Variants in CEP170 observed in about 807,000 individuals in gnomAD.
CEP170 encodes centrosomal protein of 170 kDa.
Under a neutral mutation model 151.9 loss-of-function variants are expected in CEP170, and 21 were observed. That is an observed-to-expected ratio of 0.14 (90% CI 0.10 to 0.20). The LOEUF is 0.20. CEP170 is among the 10% of genes least tolerant of loss of function. The pLI is 1.00. For missense variants in CEP170, 964 were observed against 1,892.9 expected (o/e 0.51, Z 9.11); for synonymous variants, 356 against 648.8 (o/e 0.55, Z 6.86).
intron 16 of CEP170, among the ~76,000 whole-genome samples, chr1:243,138,615 T>C (rs947790279): frequency 1.3e-5 from 2 of 151,170 alleles, no homozygotes; most frequent in South Asian, 2.1e-4. Context: ...CTTTCCACAG[T>C]AGTATTTGAA....
chr1:243,152,549 T>TTTTTTTG (rs2057203206), intron 14 of CEP170, among the ~76,000 whole-genome samples: 1 of 132,300 alleles, frequency 7.6e-6, no homozygotes, highest in Non-Finnish European at 1.6e-5. Flanking sequence ...TTTTTTTTTT[T>TTTTTTTG]GAGATAGAGT....
chr1:243,220,701 A>G (rs1361432358), intron 3 of CEP170, among the ~76,000 whole-genome samples: 1 of 152,248 alleles, frequency 6.6e-6, no homozygotes, highest in African/African-American at 2.4e-5. Context: ...CAGCACAGAT[A>G]GGAACAACAC....
At chr1:243,252,258 T>G (rs2066005214) in intron 1 of CEP170, among the ~76,000 whole-genome samples, 2 of 152,196 alleles carry the variant, frequency 1.3e-5, no homozygotes, top group South Asian at 4.1e-4. Flanking sequence ...AAATATCAGG[T>G]TGTCTGTCAG....
At chr1:243,252,399 T>G (rs942721508) in intron 1 of CEP170, among the ~76,000 whole-genome samples, 2 of 152,096 alleles carry the variant, frequency 1.3e-5, no homozygotes, top group Non-Finnish European at 2.9e-5. Context: ...AAAAAACATT[T>G]TGACAAAAAA....
intron 1 of CEP170, among the ~76,000 whole-genome samples, chr1:243,231,904 C>A (rs1489814338): frequency 6.6e-6 from 1 of 152,086 alleles, no homozygotes; most frequent in East Asian, 1.9e-4. Context: ...AAGCAAACCC[C>A]CAAATTCTTC....
intron 1 of CEP170, among the ~76,000 whole-genome samples, chr1:243,251,581 T>G (rs2065943430): frequency 1.3e-5 from 2 of 152,258 alleles, no homozygotes; most frequent in South Asian, 4.1e-4. Context: ...CTAGGAAATG[T>G]TCAAAATTTG....
intron 13 of CEP170, among the ~76,000 whole-genome samples, chr1:243,159,763 T>TTGTGTGTGTGTGGGTGTGTGTGTGTG (rs2057895967): frequency 7.9e-6 from 1 of 127,076 alleles, no homozygotes; most frequent in Admixed American, 7.7e-5. Context: ...GTTTCCGGTT[T>TTGTGTGTGTGTGGGTGTGTGTGTGTG]TGTGTGTGTG....
chr1:243,220,875 A>C (rs2062739901), intron 3 of CEP170, among the ~76,000 whole-genome samples: 1 of 152,234 alleles, frequency 6.6e-6, no homozygotes, highest in African/African-American at 2.4e-5. Context: ...GTAACACAAA[A>C]ATATATTCAA....
At chr1:243,255,468 G>C (rs2066552593), upstream of CEP170, 1 of 154,294 alleles carries the variant, frequency 6.5e-6, no homozygotes, top group Non-Finnish European at 1.4e-5. Flanking sequence ...GCGTTAGGTG[G>C]GACCGCAACC....
At chr1:243,207,201 A>C (rs985558499) in intron 4 of CEP170, among the ~76,000 whole-genome samples, 3 of 152,232 alleles carry the variant, frequency 2.0e-5, no homozygotes, top group Admixed American at 6.5e-5. Flanking sequence ...AAACAGGGTA[A>C]AAATTAAAAA....
chr1:243,170,492 A>G (rs2058753482), intron 11 of CEP170, among the ~76,000 whole-genome samples: 1 of 152,194 alleles, frequency 6.6e-6, no homozygotes, highest in African/African-American at 2.4e-5. Context: ...CAAGAATAGT[A>G]GGTAAGAATA....
At chr1:243,210,334 G>A (rs921958996) in intron 4 of CEP170, among the ~76,000 whole-genome samples, 1 of 152,086 alleles carries the variant, frequency 6.6e-6, no homozygotes, top group Non-Finnish European at 1.5e-5. Context: ...TGGATTAAAG[G>A]AGGTATCTAA....
At chr1:243,192,538 T>C (rs2060370697) in intron 7 of CEP170, among the ~76,000 whole-genome samples, 1 of 152,188 alleles carries the variant, frequency 6.6e-6, no homozygotes, top group African/African-American at 2.4e-5. Flanking sequence ...ATGAGACATA[T>C]TTCCCTAAAG....
At chr1:243,127,477 A>C (rs537506917) in intron 19 of CEP170, among the ~76,000 whole-genome samples, 18 of 152,284 alleles carry the variant, frequency 1.2e-4, no homozygotes, top group African/African-American at 4.3e-4. Context: ...AATCATGTAG[A>C]AGGGACTTTT....
intron 17 of CEP170, among the ~76,000 whole-genome samples, chr1:243,132,325 T>C (rs1359884786): frequency 2.0e-5 from 3 of 152,364 alleles, no homozygotes; most frequent in East Asian, 3.9e-4. Context: ...TAGGTGAAAG[T>C]GATCCTTCCT....
At position 243,225,992 on chromosome 1, in the gene CEP170, T is replaced by TACACGTATATATATCTAGATATATATAC. The variant is rs569134822; in HGVS notation, c.-41-699_-41-672dup. Reference sequence around the variant, plus strand: ...ATATCTATCTATCTATCTATATATATACACGTATATATATCTAGATATATA... The same window carrying TACACGTATATATATCTAGATATATATAC: ...ATATCTATCTATCTATCTATATATATACACGTATATATATCTAGATATATATACACACGTATATATATCTAGATATATA... On this transcript the variant is annotated intron_variant, in intron 1 of 19. Coordinates refer to ENST00000366542, the MANE Select transcript of CEP170 (RefSeq NM_014812.3). Among the ~76,000 whole-genome samples the TACACGTATATATATCTAGATATATATAC allele has an allele frequency of 4.6e-3, 682 of 147,840 alleles. 2 individuals are homozygous for TACACGTATATATATCTAGATATATATAC. The highest frequency in any genetic ancestry group is 9.8e-3 in the African/African-American group (394 of 40,222).
chr1:243,126,425 G>T lies in CEP170; in HGVS notation c.*24C>A, dbSNP rs910402462. 5.0e-6 allele frequency: 8 copies of T among 1,589,054 alleles called. No individual in the cohort carries two copies. The highest frequency in any genetic ancestry group is 6.9e-6 in the Non-Finnish European group (8 of 1,165,388). On this transcript the variant is annotated 3_prime_UTR_variant, in exon 20 of 20. Coordinates refer to ENST00000366542, the MANE Select transcript of CEP170 (RefSeq NM_014812.3). Reference sequence around the variant, plus strand: ...TATTCCTAGCCATTCCACAGGTAATGATTTTTCAACAATCAAGAGAAAGTC... The same window carrying T: ...TATTCCTAGCCATTCCACAGGTAATTATTTTTCAACAATCAAGAGAAAGTC...
chr1:243,166,767 AATT>A (rs1459298764), intron 12 of CEP170, among the ~76,000 whole-genome samples: 1 of 152,034 alleles, frequency 6.6e-6, no homozygotes, highest in African/African-American at 2.4e-5. Context: ...AATTGACAAA[AATT>A]ATATATATTT....
At chr1:243,132,777 A>C (rs1034857804) in intron 17 of CEP170, among the ~76,000 whole-genome samples, 1 of 152,234 alleles carries the variant, frequency 6.6e-6, no homozygotes, top group Non-Finnish European at 1.5e-5. Flanking sequence ...CACAGCAGGT[A>C]ATCTGTGAAC....
Sources: allele counts gnomAD v4.1 joint callset (sites outside exome capture counted in the v4.1 genomes callset), GRCh38; gene constraint gnomAD v4.1.1; transcripts MANE v1.5; gene names NCBI Gene and HGNC (gene_info 2026-07-23, HGNC 2026-07-21).